The following ARHGEF4 variants were observed in gnomAD, a reference collection of about 807,000 sequenced individuals.
ARHGEF4 encodes the protein APC-stimulated guanine nucleotide exchange factor 1.
A neutral mutation model predicts 162.0 loss-of-function variants in ARHGEF4; 119 were observed. The ratio of observed to expected loss-of-function variants is 0.73; its 90% CI spans 0.63 to 0.86. The LOEUF (loss-of-function observed/expected upper bound fraction) is 0.86. ARHGEF4 is among the 40% of genes least tolerant of loss of function. ARHGEF4 has a pLI of 0.00. For synonymous variants in ARHGEF4, 1,014 were observed against 979.9 expected, an observed-to-expected ratio of 1.03 and a Z score of -0.65; for missense variants, 2,488 against 2,456.0, an observed-to-expected ratio of 1.01 and a Z score of -0.28.
intron 4 of ARHGEF4, among the ~76,000 whole-genome samples, chr2:130,983,781 C>A (rs1227028557): frequency 6.6e-6 from 1 of 152,144 alleles, no homozygotes; most frequent in East Asian, 1.9e-4. Flanking sequence ...GCCTGAATAG[C>A]TGGGACTACA....
chr2:131,004,027 C>T (rs1292303816), intron 4 of ARHGEF4, among the ~76,000 whole-genome samples: 2 of 152,132 alleles, frequency 1.3e-5, no homozygotes, highest in African/African-American at 2.4e-5. Flanking sequence ...TCACTCCCTA[C>T]ATAGAGCCCC....
In ARHGEF4 at chr2:130,946,430, TAGAA is replaced by T. The variant is rs537985512; in HGVS notation, c.3859-75_3859-72del. ...TTCACAATGAAAAGTCCTCAGCAAT[TAGAA>T]AGACTGCAGGGTGGCAATGACAGCC... On this transcript the variant is annotated intron_variant, in intron 3 of 13. Transcript: ENST00000409359. 4.0e-5 allele frequency: 60 copies of T among 1,514,460 alleles called. No individual in the cohort carries two copies. The African/African-American group carries it at 7.5e-4, about 19-fold the overall frequency. The allele number at this position is 1,514,460 out of a possible 1,614,324, so 93.8% of individuals were successfully genotyped here. A position where few individuals can be genotyped will look rare whatever the true frequency, so the allele number is the denominator to read the frequency against.
At position 131,040,554 on chromosome 2, in the gene ARHGEF4, C is replaced by G. The variant is rs1049540971; in HGVS notation, c.4662+114C>G. On this transcript the variant is annotated intron_variant, in intron 8 of 13. Transcript: ENST00000409359. ...AAAACCTTCCACAACGCCTGGGCCC[C>G]AGCTCCAGCCCTCTATCTGCCCCGC... is the stretch of plus-strand genomic sequence containing the variant. 2.5e-6 allele frequency: 3 copies of G among 1,218,532 alleles called. No homozygotes were observed. The African/African-American group carries it at 4.6e-5, about 19-fold the overall frequency. 75.5% of individuals were successfully genotyped at this position (1,218,532 alleles called of 1,614,324 possible). A position where few individuals can be genotyped will look rare whatever the true frequency, so the allele number is the denominator to read the frequency against.
intron 1 of ARHGEF4, among the ~76,000 whole-genome samples, chr2:130,904,856 A>C (rs560170991): frequency 6.6e-6 from 1 of 152,264 alleles, no homozygotes; most frequent in South Asian, 2.1e-4. Context: ...AGGTGGGTGC[A>C]TCACTTGAAG....
rs1003044578 is a variant in ARHGEF4 at position 130,915,837 on chromosome 2, C to T, written c.1891C>T (p.Leu631Phe). The T allele has an allele frequency of 8.0e-5, 123 of 1,535,208 alleles. No individual in the cohort carries two copies. The highest frequency in any genetic ancestry group is 9.9e-5 in the Non-Finnish European group (113 of 1,139,416). ...GGEASRGRGA[L>F]IIVAVEQKGL... ...CGAGGCCTCGAGGGGCAGGGGCGCC[C>T]TCATCATTGTAGCTGTGGAGCAGAA... The change falls in exon 2 of 14, where the codon CTC (leucine) becomes TTC (phenylalanine). Residue 631 changes from leucine to phenylalanine, a missense_variant. Leu to Phe is a conservative substitution (Grantham distance 22). This residue lies in a region of ARHGEF4 where 1,642 missense variants were observed against 1,481.5 expected (regional missense o/e 1.11). Transcript: ENST00000409359.
chr2:131,035,777 GC>G (rs952482244), intron 5 of ARHGEF4: 1 of 985,260 alleles, frequency 1.0e-6, no homozygotes, highest in African/African-American at 1.7e-5. Context: ...GCCCTCTGAA[GC>G]CCCCACCCCT....
chr2:130,945,848 C>T (rs1683582150), intron 3 of ARHGEF4, among the ~76,000 whole-genome samples: 1 of 152,032 alleles, frequency 6.6e-6, no homozygotes, highest in South Asian at 2.1e-4. Context: ...CTGGAAATCA[C>T]TAAAAGAATT....
chr2:130,914,113 T>A lies in ARHGEF4; in HGVS notation c.167T>A (p.Leu56Gln). 6.5e-7 allele frequency: 1 copy of A among 1,536,154 alleles called. No individual in the cohort carries two copies. Among genetic ancestry groups the A allele is most frequent in the Non-Finnish European group, 8.7e-7 (1 of 1,146,910 alleles). ...QQTDRDDSETLSQQSESGSDT... is the reference protein window; with the variant it reads ...QQTDRDDSETQSQQSESGSDT... ...ACAGACCGCGATGATTCTGAAACGCTGTCCCAGCAGAGTGAAAGTGGATCA... is the reference window on the plus strand; with the variant it reads ...ACAGACCGCGATGATTCTGAAACGCAGTCCCAGCAGAGTGAAAGTGGATCA... Residue 56 changes from leucine to glutamine, a missense_variant, in exon 2 of 14, where the codon CTG becomes CAG. Around this residue, in one of 6 missense-constraint regions of ARHGEF4, gnomAD observed 171 missense variants for 169.4 expected, o/e 1.01. Coordinates refer to ENST00000409359, the MANE Select transcript of ARHGEF4 (RefSeq NM_001367493.1).
chr2:130,922,312 G>A (rs1052242394), intron 2 of ARHGEF4, among the ~76,000 whole-genome samples: 19 of 151,860 alleles, frequency 1.3e-4, no homozygotes, highest in African/African-American at 4.3e-4. Context: ...TGGAGGTTGC[G>A]GCGAGCCGAG....
chr2:130,866,391 AAAG>A (rs933800523), intron 1 of ARHGEF4, among the ~76,000 whole-genome samples: 15 of 152,254 alleles, frequency 9.9e-5, no homozygotes, highest in African/African-American at 1.4e-4. Context: ...TCTGGAAAAA[AAAG>A]AAGAAGGTGG....
chr2:130,869,573 G>A (rs1313819294), intron 1 of ARHGEF4, among the ~76,000 whole-genome samples: 2 of 152,234 alleles, frequency 1.3e-5, no homozygotes, highest in Admixed American at 6.5e-5. Context: ...GATGGCACGA[G>A]ATGACTCAGG....
intron 4 of ARHGEF4, among the ~76,000 whole-genome samples, chr2:130,968,866 C>T (rs954620207): frequency 3.9e-5 from 6 of 151,998 alleles, no homozygotes; most frequent in Non-Finnish European, 8.8e-5. Flanking sequence ...TGCAGTGAGC[C>T]GAGACTGCGC....
At chr2:131,015,129 C>T (rs1052796526) in intron 4 of ARHGEF4, among the ~76,000 whole-genome samples, 3 of 152,152 alleles carry the variant, frequency 2.0e-5, no homozygotes, top group Admixed American at 6.5e-5. Context: ...TTTCCCCCCA[C>T]CAGGAAGAGA....
At chr2:131,013,092 A>G (rs1688571131) in intron 4 of ARHGEF4, among the ~76,000 whole-genome samples, 1 of 152,204 alleles carries the variant, frequency 6.6e-6, no homozygotes, top group Non-Finnish European at 1.5e-5. Context: ...ACATCTTCAG[A>G]TATTACGTGC....
chr2:130,986,411 G>A (rs1477774538), intron 4 of ARHGEF4, among the ~76,000 whole-genome samples: 4 of 152,324 alleles, frequency 2.6e-5, no homozygotes, highest in East Asian at 1.9e-4. Context: ...CCAGACAGAC[G>A]TTCTGGGAGG....
intron 1 of ARHGEF4, among the ~76,000 whole-genome samples, chr2:130,888,141 G>A (rs1454972005): frequency 6.6e-6 from 1 of 151,936 alleles, no homozygotes; most frequent in Non-Finnish European, 1.5e-5. Flanking sequence ...ACTTGGTTTG[G>A]CTTTATTTTC....
chr2:131,041,907 A>G lies in ARHGEF4; in HGVS notation c.4988A>G (p.Lys1663Arg), dbSNP rs755674342. The G allele has an allele frequency of 2.5e-6, 4 of 1,613,654 alleles. No individual in the cohort carries two copies. The South Asian group carries it at 4.4e-5, about 18-fold the overall frequency. Residue 1663 changes from lysine (K) to arginine (R), a missense_variant, in exon 10 of 14, where the codon AAG becomes AGG. Lys to Arg is a conservative substitution (Grantham distance 26). Around this residue, in one of 6 missense-constraint regions of ARHGEF4, gnomAD observed 415 missense variants for 512.4 expected, o/e 0.81. Coordinates refer to ENST00000409359, the MANE Select transcript of ARHGEF4 (RefSeq NM_001367493.1). ...ERKRRLENID[K>R]IAQWQSSIED... is the part of the protein sequence containing the mutation. ...AAGCGGAGACTTGAGAACATCGACA[A>G]GATTGCTCAGTGGCAGAGCTCCATA...
intron 2 of ARHGEF4, among the ~76,000 whole-genome samples, chr2:130,930,456 G>A (rs1417840027): frequency 3.3e-5 from 5 of 152,274 alleles, no homozygotes; most frequent in South Asian, 2.1e-4. Flanking sequence ...TGCCTGGTGC[G>A]TAACGGCAAC....
At chr2:131,001,812 C>A (rs996847338) in intron 4 of ARHGEF4, among the ~76,000 whole-genome samples, 1 of 151,978 alleles carries the variant, frequency 6.6e-6, no homozygotes, top group African/African-American at 2.4e-5. Context: ...TAACAGTACA[C>A]CTTAGGATAT....
Sources: gnomAD v4.1 joint callset for allele counts (sites outside exome capture counted in the v4.1 genomes callset) on GRCh38, gnomAD v4.1.1 for gene constraint, gnomAD v4.1.1 regional missense constraint, MANE v1.5 for transcripts, NCBI Gene and HGNC (gene_info 2026-07-23, HGNC 2026-07-21) for gene names.